The following DEFB119 variants were observed in gnomAD, a reference collection of about 807,000 sequenced individuals.
The protein encoded by DEFB119 is beta-defensin 119.
Under a neutral mutation model 2.5 loss-of-function variants are expected in DEFB119, and 3 were observed. That is an observed-to-expected ratio of 1.19 (90% confidence interval 0.54 to 3.07). The LOEUF (loss-of-function observed/expected upper bound fraction) is 3.07. Ranked by LOEUF, DEFB119 falls within the 30% of genes most tolerant of loss-of-function variation. The pLI is 0.03. For synonymous variants in DEFB119, 29 were observed against 33.7 expected, an observed-to-expected ratio of 0.86 and a Z score of 0.48; for missense variants, 113 against 101.1, an observed-to-expected ratio of 1.12 and a Z score of -0.50.
chr20:31,385,745 G>A (rs1243283243), intron 1 of DEFB119, among the ~76,000 whole-genome samples: 6 of 151,904 alleles, frequency 3.9e-5, no homozygotes, highest in Non-Finnish European at 7.4e-5. Context: ...TAGCGCACAC[G>A]TGTAGTCCCA....
intron 1 of DEFB119, among the ~76,000 whole-genome samples, chr20:31,386,956 G>A (rs1986730621): frequency 6.6e-6 from 1 of 151,810 alleles, no homozygotes; most frequent in Non-Finnish European, 1.5e-5. Context: ...TGGGATTACA[G>A]CCACCATGCC....
At chr20:31,380,933 G>T (rs1426294373) in intron 1 of DEFB119, among the ~76,000 whole-genome samples, 1 of 152,046 alleles carries the variant, frequency 6.6e-6, no homozygotes, top group African/African-American at 2.4e-5. Flanking sequence ...TTCAGGCAGG[G>T]TATAGACAGA....
At chr20:31,386,556 A>T (rs1986709786) in intron 1 of DEFB119, among the ~76,000 whole-genome samples, 1 of 152,224 alleles carries the variant, frequency 6.6e-6, no homozygotes. Context: ...TAAACCAGAT[A>T]CAGAAAGATA....
At position 31,390,550 on chromosome 20, in the gene DEFB119, C is replaced by T. The variant is rs6057688; in HGVS notation, c.-67G>A. The T allele has an allele frequency of 9.7e-4, 1,434 of 1,483,192 alleles. 13 individuals carry two copies. The African/African-American group carries it at 0.017, about 17-fold the overall frequency. 91.9% of individuals were successfully genotyped at this position (1,483,192 alleles called of 1,614,324 possible). Reference sequence around the variant, plus strand: ...GAAGGAAATAGGGTTCCCTGCAGCACGGCAGAGATGAGCTTTGCTTTTATC... The same window carrying T: ...GAAGGAAATAGGGTTCCCTGCAGCATGGCAGAGATGAGCTTTGCTTTTATC... On this transcript the variant is annotated 5_prime_UTR_variant, in exon 1 of 2. The change creates a new upstream start codon in the 5' untranslated region. Transcript: ENST00000376321.
intron 1 of DEFB119, among the ~76,000 whole-genome samples, chr20:31,379,327 G>C (rs143543723): frequency 6.6e-6 from 1 of 152,242 alleles, no homozygotes; most frequent in African/African-American, 2.4e-5. Context: ...AATTTTAGCT[G>C]CTCTAATAAG....
chr20:31,379,780 C>G (rs568580570), intron 1 of DEFB119, among the ~76,000 whole-genome samples: 1 of 152,176 alleles, frequency 6.6e-6, no homozygotes, highest in East Asian at 1.9e-4. Context: ...ATTCTCCTGC[C>G]TCAGCCTCCC....
intron 1 of DEFB119, chr20:31,378,472 G>A (rs2223527): frequency 0.81 from 1,281,325 of 1,587,830 alleles, 519,931 homozygotes; most frequent in Non-Finnish European, 0.83. Context: ...AAAAACATCC[G>A]CGTTCCAGCA....
chr20:31,383,403 G>A (rs140389760), intron 1 of DEFB119, among the ~76,000 whole-genome samples: 66 of 152,012 alleles, frequency 4.3e-4, no homozygotes, highest in African/African-American at 1.4e-3. Context: ...AATTAGCCAG[G>A]CATAGTGGTG....
chr20:31,389,177 T>C (rs201738273), intron 1 of DEFB119: 12 of 1,614,218 alleles, frequency 7.4e-6, no homozygotes, highest in Admixed American at 1.7e-5. Flanking sequence ...CGTATGATGC[T>C]GTCTTCACCA....
intron 1 of DEFB119, among the ~76,000 whole-genome samples, chr20:31,380,490 T>G (rs1218264144): frequency 6.6e-6 from 1 of 152,108 alleles, no homozygotes; most frequent in African/African-American, 2.4e-5. Context: ...GGTCTGGAAT[T>G]CCTGGGCTCA....
chr20:31,379,579 T>C (rs546232847), intron 1 of DEFB119, among the ~76,000 whole-genome samples: 11 of 151,962 alleles, frequency 7.2e-5, no homozygotes, highest in African/African-American at 2.7e-4. Flanking sequence ...TTGCAACCTC[T>C]GCCTCCCAGG....
intron 1 of DEFB119, chr20:31,378,385 A>G: frequency 6.2e-7 from 1 of 1,614,194 alleles, no homozygotes; most frequent in Non-Finnish European, 8.5e-7. Context: ...CACTGTCCTC[A>G]CCAGAGCTGT....
At chr20:31,386,170 T>C (rs1355769181) in intron 1 of DEFB119, among the ~76,000 whole-genome samples, 2 of 152,120 alleles carry the variant, frequency 1.3e-5, no homozygotes, top group African/African-American at 4.8e-5. Flanking sequence ...GGAAGAAATC[T>C]AAGCAGGAGA....
In DEFB119 at chr20:31,380,807, C is replaced by T. The variant is rs191370607; in HGVS notation, c.62-3368G>A. ...TGTACCTGTTTCTCCACCAAGACCA[C>T]ACAATCTCAATTACTATTACTATAT... is the stretch of plus-strand genomic sequence containing the variant. On this transcript the variant is annotated intron_variant, in intron 1 of 1. Transcript: ENST00000376321. 1.6e-3 allele frequency among the ~76,000 whole-genome samples: 244 copies of T among 152,282 alleles called. 2 individuals are homozygous for T. Among genetic ancestry groups the T allele is most frequent in the Admixed American group, 8.6e-3 (131 of 15,294 alleles).
chr20:31,390,538 T>G lies in DEFB119; in HGVS notation c.-55A>C, dbSNP rs1489380442. The stretch of plus-strand genomic sequence containing the variant: ...TGAGCTGCAGGGGAAGGAAATAGGG[T>G]TCCCTGCAGCACGGCAGAGATGAGC... On this transcript the variant is annotated 5_prime_UTR_variant, in exon 1 of 2. Coordinates refer to ENST00000376321, the MANE Select transcript of DEFB119 (RefSeq NM_153289.4). 9 of 1,542,504 alleles carry G rather than the reference T, an allele frequency of 5.8e-6. No homozygotes were observed. The highest frequency in any genetic ancestry group is 8.0e-6 in the Non-Finnish European group (9 of 1,120,124).
At chr20:31,377,461 A>T (rs1986342575) in intron 1 of DEFB119, 22 bp from the exon 2 acceptor site, 5 of 1,606,014 alleles carry the variant, frequency 3.1e-6, no homozygotes, top group Non-Finnish European at 4.3e-6. Context: ...AAAAAAATAC[A>T]AATAGTTAAT....
intron 1 of DEFB119, among the ~76,000 whole-genome samples, chr20:31,377,999 C>T (rs573352601): frequency 6.6e-6 from 1 of 152,366 alleles, no homozygotes; most frequent in African/African-American, 2.4e-5. Context: ...CTTCTGCCCT[C>T]TCCATGCTGT....
intron 1 of DEFB119, chr20:31,388,066 G>C: frequency 1.0e-6 from 1 of 985,412 alleles, no homozygotes. Flanking sequence ...AAAACTAACT[G>C]TGTTGGTTAA....
At chr20:31,386,435 T>A (rs146905721) in intron 1 of DEFB119, among the ~76,000 whole-genome samples, 2 of 152,194 alleles carry the variant, frequency 1.3e-5, no homozygotes, top group East Asian at 1.9e-4. Context: ...CATCAACAGA[T>A]GAACGGATAA....
Sources: gnomAD v4.1 joint callset for allele counts (sites outside exome capture counted in the v4.1 genomes callset) on GRCh38, gnomAD v4.1.1 for gene constraint, MANE v1.5 for transcripts, NCBI Gene and HGNC (gene_info 2026-07-23, HGNC 2026-07-21) for gene names.